CNTN6: variants seen among roughly 807,000 people sequenced by gnomAD.
CNTN6 encodes contactin 6.
A neutral mutation model predicts 122.8 loss-of-function variants in CNTN6; 137 were observed. The observed-to-expected ratio is 1.12, with a 90% CI of 0.97 to 1.29. CNTN6 has a LOEUF of 1.29. Among genes scored for constraint, CNTN6 ranks in the 50% most tolerant of loss-of-function variants. The pLI, the probability that CNTN6 is intolerant of heterozygous loss-of-function variation, is 0.00. For missense variants in CNTN6, 1,634 were observed against 1,223.4 expected, an observed-to-expected ratio of 1.34 and a Z score of -5.01; for synonymous variants, 570 against 426.0, an observed-to-expected ratio of 1.34 and a Z score of -4.16.
chr3:1,383,177 G>A lies in CNTN6; in HGVS notation c.2401+1G>A. On this transcript the variant is annotated splice_donor_variant, in intron 18 of 22. Coordinates refer to ENST00000446702, the MANE Select transcript of CNTN6 (RefSeq NM_001289080.2). LOFTEE classifies it high-confidence loss of function. ...ACCATTGTCTACTCTGGGGAAGATG[G>A]TAAGTTGTCCTCAACTCTGGTTTTC... 3 of 1,611,622 alleles carry A rather than the reference G, an allele frequency of 1.9e-6. No homozygotes were observed. The highest frequency in any genetic ancestry group is 1.7e-6 in the Non-Finnish European group (2 of 1,177,892).
chr3:1,288,467 C>G lies in CNTN6; in HGVS notation c.455-7134C>G, dbSNP rs370073686. Among the ~76,000 whole-genome samples, 174 of 152,262 alleles carry G rather than the reference C, an allele frequency of 1.1e-3. 2 individuals carry two copies. In the South Asian group the frequency reaches 0.027, roughly 23 times the overall value. ...GCTAGCATAACCATGATTGACCACC[C>G]AAGAGTCAGTCACATTTAACCCTGG... On this transcript the variant is annotated intron_variant, in intron 5 of 22. Coordinates refer to ENST00000446702, the MANE Select transcript of CNTN6 (RefSeq NM_001289080.2).
chr3:1,096,402 C>G lies in CNTN6; in HGVS notation c.-83+3282C>G, dbSNP rs529169324. On this transcript the variant is annotated intron_variant, in intron 1 of 22. Coordinates refer to ENST00000446702, the MANE Select transcript of CNTN6 (RefSeq NM_001289080.2). Reference sequence around the variant, plus strand: ...ATTTGTTGTACTATTTCTTTTTTGTCCCTTAACTGGGCGTGGCCAAATTGT... The same window carrying G: ...ATTTGTTGTACTATTTCTTTTTTGTGCCTTAACTGGGCGTGGCCAAATTGT... 1.7e-3 allele frequency among the ~76,000 whole-genome samples: 262 copies of G among 152,038 alleles called. 2 individuals carry two copies. Among genetic ancestry groups the G allele is most frequent in the African/African-American group, 5.9e-3 (244 of 41,508 alleles).
chr3:1,300,307 A>G (rs1205255469), intron 7 of CNTN6, among the ~76,000 whole-genome samples: 5 of 151,926 alleles, frequency 3.3e-5, no homozygotes, highest in African/African-American at 1.2e-4. Context: ...TATATAAGCA[A>G]TGTTTGAATT....
intron 20 of CNTN6, among the ~76,000 whole-genome samples, chr3:1,390,506 A>G (rs928919793): frequency 8.6e-5 from 13 of 151,972 alleles, no homozygotes; most frequent in African/African-American, 3.1e-4. Flanking sequence ...AAGAACTAGA[A>G]AAGCAAGAGC....
chr3:1,128,969 GAT>G (rs2092259585), intron 1 of CNTN6, among the ~76,000 whole-genome samples: 1 of 151,850 alleles, frequency 6.6e-6, no homozygotes, highest in South Asian at 2.1e-4. Context: ...GGAACAACTA[GAT>G]ATATGCCTTC....
chr3:1,389,905 T>C (rs1052305855), intron 20 of CNTN6, among the ~76,000 whole-genome samples: 1 of 151,360 alleles, frequency 6.6e-6, no homozygotes, highest in Non-Finnish European at 1.5e-5. Context: ...CCCAGATTCA[T>C]AAAGCAAGTC....
At chr3:1,395,854 G>T (rs985602138) in intron 20 of CNTN6, among the ~76,000 whole-genome samples, 1 of 152,022 alleles carries the variant, frequency 6.6e-6, no homozygotes, top group Non-Finnish European at 1.5e-5. Context: ...CAAGGAGTTT[G>T]GTATTTTAAT....
intron 7 of CNTN6, among the ~76,000 whole-genome samples, chr3:1,304,854 T>C (rs1335331724): frequency 6.6e-6 from 1 of 151,314 alleles, no homozygotes; most frequent in African/African-American, 2.4e-5. Context: ...ATTAGCCGGG[T>C]GCAGTGGCAG....
intron 2 of CNTN6, among the ~76,000 whole-genome samples, chr3:1,188,021 C>A (rs1354880508): frequency 5.9e-5 from 9 of 152,122 alleles, no homozygotes; most frequent in Non-Finnish European, 1.3e-4. Context: ...GCTACCCCTG[C>A]CAAATCTTAC....
chr3:1,143,657 G>A (rs1446049974), intron 1 of CNTN6, among the ~76,000 whole-genome samples: 4 of 152,178 alleles, frequency 2.6e-5, no homozygotes, highest in African/African-American at 9.6e-5. Context: ...TCCTTCCTCA[G>A]GCAATTTAAA....
At chr3:1,194,481 CTTACA>C (rs1045860825) in intron 2 of CNTN6, among the ~76,000 whole-genome samples, 2 of 151,992 alleles carry the variant, frequency 1.3e-5, no homozygotes, top group African/African-American at 2.4e-5. Flanking sequence ...GATATATTTA[CTTACA>C]TTAATATATT....
chr3:1,096,153 G>A (rs946543557), intron 1 of CNTN6, among the ~76,000 whole-genome samples: 7 of 152,082 alleles, frequency 4.6e-5, no homozygotes, highest in African/African-American at 1.4e-4. Flanking sequence ...GACCCTTCCT[G>A]TACTGAAAGT....
rs1696026205 is a variant in CNTN6, at chr3:1,403,835, A to G, written c.*417A>G. ...TTTCCACCCTACTTCAAAATAAAATACAATTATTTGTTTATAGTTGGGATT... is the reference window on the plus strand; with the variant it reads ...TTTCCACCCTACTTCAAAATAAAATGCAATTATTTGTTTATAGTTGGGATT... On this transcript the variant is annotated 3_prime_UTR_variant, in exon 23 of 23. Transcript: ENST00000446702. 6.6e-6 allele frequency: 1 copy of G among 152,618 alleles called. No homozygotes were observed. The highest frequency in any genetic ancestry group is 2.1e-4 in the South Asian group (1 of 4,846). 9.5% of individuals were successfully genotyped at this position (152,618 alleles called of 1,614,324 possible).
chr3:1,107,325 A>G (rs1052552868), intron 1 of CNTN6, among the ~76,000 whole-genome samples: 2 of 152,140 alleles, frequency 1.3e-5, no homozygotes, highest in African/African-American at 4.8e-5. Context: ...TACCCATTTC[A>G]AAATATGATT....
chr3:1,293,485 G>A (rs1695677318), intron 5 of CNTN6, among the ~76,000 whole-genome samples: 1 of 152,062 alleles, frequency 6.6e-6, no homozygotes, highest in Admixed American at 6.6e-5. Context: ...AGTGAAGAAT[G>A]TTTCAGGTGG....
intron 2 of CNTN6, among the ~76,000 whole-genome samples, chr3:1,160,582 A>C (rs1455032746): frequency 6.6e-6 from 1 of 151,040 alleles, no homozygotes; most frequent in Non-Finnish European, 1.5e-5. Context: ...AAAGGACCTA[A>C]GTGCTTTTAA....
intron 2 of CNTN6, among the ~76,000 whole-genome samples, chr3:1,189,273 T>C (rs1206609560): frequency 6.6e-6 from 1 of 152,074 alleles, no homozygotes; most frequent in Non-Finnish European, 1.5e-5. Context: ...AAATCTCCTT[T>C]TGGGGGAAAG....
intron 1 of CNTN6, among the ~76,000 whole-genome samples, chr3:1,106,756 A>G (rs1158910570): frequency 6.6e-6 from 1 of 152,108 alleles, no homozygotes; most frequent in African/African-American, 2.4e-5. Flanking sequence ...TTCACTTCAC[A>G]TATTCTCTGG....
chr3:1,269,510 C>G (rs1351419663), intron 4 of CNTN6, among the ~76,000 whole-genome samples: 1 of 152,114 alleles, frequency 6.6e-6, no homozygotes, highest in Non-Finnish European at 1.5e-5. Flanking sequence ...AATATGCCAG[C>G]TTAGTAAGAA....
Sources: allele counts gnomAD v4.1 joint callset (sites outside exome capture counted in the v4.1 genomes callset), GRCh38; gene constraint gnomAD v4.1.1; transcripts MANE v1.5; gene names NCBI Gene and HGNC (gene_info 2026-07-23, HGNC 2026-07-21).